The following DCC variants were observed in gnomAD, a reference collection of about 807,000 sequenced individuals.
DCC encodes the protein DCC netrin 1 receptor, also known as netrin receptor DCC.
DCC carries 58 observed loss-of-function variants against 172.5 expected under a neutral mutation model. The ratio of observed to expected loss-of-function variants is 0.34; its 90% CI spans 0.27 to 0.42. DCC has a LOEUF of 0.42. DCC is among the 10% of genes least tolerant of loss of function. The pLI is 1.00. For synonymous variants in DCC, 709 were observed against 644.5 expected, an observed-to-expected ratio of 1.10 and a Z score of -1.52; for missense variants, 1,740 against 1,791.0, an observed-to-expected ratio of 0.97 and a Z score of 0.51.
chr18:52,664,930 G>T (rs1449184400), intron 1 of DCC, among the ~76,000 whole-genome samples: 1 of 152,128 alleles, frequency 6.6e-6, no homozygotes, highest in Non-Finnish European at 1.5e-5. Flanking sequence ...AACACTGAAT[G>T]CAGGACAGCC....
intron 9 of DCC, among the ~76,000 whole-genome samples, chr18:53,193,249 G>GC (rs892538227): frequency 1.3e-5 from 2 of 151,878 alleles, no homozygotes; most frequent in African/African-American, 4.8e-5. Context: ...GCATGGACCT[G>GC]CCCCCGAGAA....
intron 5 of DCC, among the ~76,000 whole-genome samples, chr18:52,948,990 T>C (rs1341355353): frequency 6.6e-6 from 1 of 152,228 alleles, no homozygotes. Flanking sequence ...TCTCCAGTCA[T>C]GCCATGCTTC....
chr18:52,848,506 C>A (rs967637492), intron 2 of DCC, among the ~76,000 whole-genome samples: 5 of 152,162 alleles, frequency 3.3e-5, no homozygotes, highest in Non-Finnish European at 7.4e-5. Flanking sequence ...ATTTTGGAAT[C>A]ATATCAAACT....
intron 2 of DCC, among the ~76,000 whole-genome samples, chr18:52,871,240 G>C: frequency 6.6e-6 from 1 of 151,960 alleles, no homozygotes; most frequent in Non-Finnish European, 1.5e-5. Context: ...ACCCCTCCAC[G>C]GTGGAAACCA....
chr18:52,639,769 G>A (rs1237115274), intron 1 of DCC, among the ~76,000 whole-genome samples: 1 of 151,990 alleles, frequency 6.6e-6, no homozygotes, highest in Non-Finnish European at 1.5e-5. Flanking sequence ...ATTCACACCA[G>A]AATCCTACGA....
chr18:52,987,118 G>A lies in DCC; in HGVS notation c.985+61748G>A, dbSNP rs73460727. ...ATTACAGGCGTGAGACTCCGCGCCTGGCCCAGAAGCAATAATTTTAAGATT... is the reference window on the plus strand; with the variant it reads ...ATTACAGGCGTGAGACTCCGCGCCTAGCCCAGAAGCAATAATTTTAAGATT... On this transcript the variant is annotated intron_variant, in intron 5 of 28. Transcript: ENST00000442544. Among the ~76,000 whole-genome samples the A allele has an allele frequency of 1.1e-3, 168 of 152,196 alleles. 2 individuals carry two copies. Among genetic ancestry groups the A allele is most frequent in the African/African-American group, 4.0e-3 (165 of 41,540 alleles).
chr18:52,410,122 C>T (rs1354262960), intron 1 of DCC, among the ~76,000 whole-genome samples: 2 of 152,250 alleles, frequency 1.3e-5, no homozygotes, highest in Non-Finnish European at 1.5e-5. Flanking sequence ...CTTTGTTTTT[C>T]CCCTTCAAAA....
chr18:52,804,934 T>C (rs115257373), intron 2 of DCC, among the ~76,000 whole-genome samples: 86 of 152,204 alleles, frequency 5.7e-4, no homozygotes, highest in African/African-American at 2.0e-3. Flanking sequence ...GTTGTCCATA[T>C]TTCTTTCTTA....
At chr18:53,254,021 T>C (rs1302483751) in intron 12 of DCC, among the ~76,000 whole-genome samples, 1 of 152,014 alleles carries the variant, frequency 6.6e-6, no homozygotes, top group Non-Finnish European at 1.5e-5. Context: ...GCATAAAGTG[T>C]CATATAGCCT....
chr18:52,754,792 G>A (rs1242752522), intron 2 of DCC, among the ~76,000 whole-genome samples: 2 of 152,110 alleles, frequency 1.3e-5, no homozygotes, highest in Non-Finnish European at 2.9e-5. Context: ...CCATATCCTG[G>A]GAAGCCACCT....
chr18:52,442,907 C>G (rs1394398162), intron 1 of DCC, among the ~76,000 whole-genome samples: 1 of 152,082 alleles, frequency 6.6e-6, no homozygotes, highest in Non-Finnish European at 1.5e-5. Context: ...TGGTAAGCTG[C>G]AAAGCTCCAA....
rs866619307 is a variant in DCC at position 52,385,352 on chromosome 18, C to T, written c.91+44474C>T. 4.6e-5 allele frequency among the ~76,000 whole-genome samples: 7 copies of T among 151,462 alleles called. No homozygotes were observed. The East Asian group carries it at 5.8e-4, about 13-fold the overall frequency. Reference sequence around the variant, plus strand: ...GTGCAGTGGCATGATCTCAGCTCACCGCAACCTCTGCCTCCAGGTTTTAAG... The same window carrying T: ...GTGCAGTGGCATGATCTCAGCTCACTGCAACCTCTGCCTCCAGGTTTTAAG... On this transcript the variant is annotated intron_variant, in intron 1 of 28. Coordinates refer to ENST00000442544, the MANE Select transcript of DCC (RefSeq NM_005215.4).
chr18:53,336,739 G>C (rs1353034136), intron 14 of DCC, among the ~76,000 whole-genome samples: 1 of 152,190 alleles, frequency 6.6e-6, no homozygotes, highest in East Asian at 1.9e-4. Flanking sequence ...AGCTGGGCGT[G>C]GTGGCACATG....
At chr18:52,949,524 C>T (rs914701195) in intron 5 of DCC, among the ~76,000 whole-genome samples, 1 of 152,146 alleles carries the variant, frequency 6.6e-6, no homozygotes, top group Non-Finnish European at 1.5e-5. Flanking sequence ...GTTCTATTTT[C>T]CCCTAATTTG....
At chr18:53,401,021 G>C (rs1486876211) in intron 18 of DCC, among the ~76,000 whole-genome samples, 1 of 152,050 alleles carries the variant, frequency 6.6e-6, no homozygotes, top group Non-Finnish European at 1.5e-5. Context: ...AAGTTATTTT[G>C]TGACTATATC....
intron 2 of DCC, among the ~76,000 whole-genome samples, chr18:52,867,005 T>C (rs143888233): frequency 0.021 from 3,185 of 152,340 alleles, 57 homozygotes; most frequent in Admixed American, 0.04. Flanking sequence ...AGTATGATAT[T>C]GGCTGTGAGT....
At chr18:52,761,302 C>T (rs1321820377) in intron 2 of DCC, among the ~76,000 whole-genome samples, 1 of 152,172 alleles carries the variant, frequency 6.6e-6, no homozygotes, top group East Asian at 1.9e-4. Flanking sequence ...ATTCAATTAC[C>T]TCCCACAGGG....
intron 15 of DCC, among the ~76,000 whole-genome samples, chr18:53,371,267 C>T (rs1274836932): frequency 6.6e-6 from 1 of 151,902 alleles, no homozygotes; most frequent in Non-Finnish European, 1.5e-5. Context: ...AAATTATATA[C>T]TCAAAATAGT....
chr18:53,174,923 C>A (rs1288309849), intron 8 of DCC, among the ~76,000 whole-genome samples: 1 of 152,114 alleles, frequency 6.6e-6, no homozygotes, highest in African/African-American at 2.4e-5. Flanking sequence ...TGCAAAAATC[C>A]TCAGTAAAAT....
Sources: allele counts gnomAD v4.1 joint callset (sites outside exome capture counted in the v4.1 genomes callset), GRCh38; gene constraint gnomAD v4.1.1; transcripts MANE v1.5; gene names NCBI Gene and HGNC (gene_info 2026-07-23, HGNC 2026-07-21).